Variants in SLC6A11 observed in about 807,000 individuals in gnomAD.
SLC6A11 encodes solute carrier family 6 member 11, also known as sodium- and chloride-dependent GABA transporter 3.
Under a neutral mutation model 74.8 loss-of-function variants are expected in SLC6A11, and 25 were observed. The ratio of observed to expected loss-of-function variants is 0.33; its 90% CI spans 0.24 to 0.47. The LOEUF is 0.47. Ranked by LOEUF, SLC6A11 falls within the 20% of genes least tolerant of loss-of-function variation. The pLI is 1.00. For missense variants in SLC6A11, 574 were observed against 837.0 expected, an observed-to-expected ratio of 0.69 and a Z score of 3.88; for synonymous variants, 330 against 330.2, an observed-to-expected ratio of 1.00 and a Z score of 0.01.
chr3:10,869,742 G>A (rs1198286632), intron 5 of SLC6A11, among the ~76,000 whole-genome samples: 2 of 152,216 alleles, frequency 1.3e-5, no homozygotes, highest in Non-Finnish European at 2.9e-5. Context: ...GGCTGAGGAG[G>A]TTAGACTCAG....
intron 4 of SLC6A11, 73 bp downstream of exon 4, chr3:10,823,465 C>A: frequency 9.8e-7 from 1 of 1,019,712 alleles, no homozygotes; most frequent in Non-Finnish European, 1.5e-6. Context: ...GGTCTTGCCC[C>A]TATTCCTGGA....
chr3:10,905,240 A>G (rs1311790371), intron 6 of SLC6A11, among the ~76,000 whole-genome samples: 3 of 152,230 alleles, frequency 2.0e-5, no homozygotes, highest in African/African-American at 7.2e-5. Context: ...AAATGGGAAG[A>G]TGACATTCCC....
Position 10,921,756 on chromosome 3 carries a change from G to A in SLC6A11, c.1120+3303G>A, listed in dbSNP as rs1695540281. On this transcript the variant is annotated intron_variant, in intron 8 of 13. Transcript: ENST00000254488. Reference sequence around the variant, plus strand: ...ATGTCTAAAAGAGACACACTTTGAAGACACAGATAAAGTATAAAAGAATGG... The same window carrying A: ...ATGTCTAAAAGAGACACACTTTGAAAACACAGATAAAGTATAAAAGAATGG... Among the ~76,000 whole-genome samples the A allele has an allele frequency of 3.9e-5, 6 of 152,036 alleles. No individual in the cohort carries two copies. In the South Asian group the frequency reaches 1.2e-3, roughly 32 times the overall value.
At position 10,916,215 on chromosome 3, in the gene SLC6A11, C is replaced by T. The variant is rs1695452374; in HGVS notation, c.996-2114C>T. Among the ~76,000 whole-genome samples the T allele has an allele frequency of 2.0e-5, 3 of 152,336 alleles. No individual in the cohort carries two copies. In the South Asian group the frequency reaches 6.2e-4, roughly 32 times the overall value. ...TAACTCTGCCCTTGCCTGGGCATAG[C>T]TGAATTTCTTTTTGAGCAGAGGTAA... On this transcript the variant is annotated intron_variant, in intron 7 of 13. Transcript: ENST00000254488.
intron 5 of SLC6A11, among the ~76,000 whole-genome samples, chr3:10,849,857 C>G (rs918687529): frequency 2.9e-5 from 4 of 138,226 alleles, no homozygotes; most frequent in African/African-American, 1.1e-4. Flanking sequence ...GTGTGTCCTT[C>G]TCTTGTGGTT....
chr3:10,894,217 A>G (rs1380855354), intron 6 of SLC6A11, among the ~76,000 whole-genome samples: 1 of 152,210 alleles, frequency 6.6e-6, no homozygotes, highest in East Asian at 1.9e-4. Context: ...TCCGTTAGTC[A>G]GATTCCCAGG....
At chr3:10,879,776 T>G (rs1436494818) in intron 6 of SLC6A11, among the ~76,000 whole-genome samples, 1 of 152,170 alleles carries the variant, frequency 6.6e-6, no homozygotes, top group East Asian at 1.9e-4. Flanking sequence ...TATACATACA[T>G]ACATATATAT....
intron 1 of SLC6A11, among the ~76,000 whole-genome samples, chr3:10,818,870 C>A (rs1694099230): frequency 6.6e-6 from 1 of 152,182 alleles, no homozygotes; most frequent in Non-Finnish European, 1.5e-5. Context: ...TCAAAGCCAG[C>A]CTTTGCTAGA....
chr3:10,905,167 T>TGGGATAATGCTTTGGCA (rs1329694092), intron 6 of SLC6A11, among the ~76,000 whole-genome samples: 4 of 152,252 alleles, frequency 2.6e-5, no homozygotes, highest in Admixed American at 1.3e-4. Flanking sequence ...GAAATAGACT[T>TGGGATAATGCTTTGGCA]GGGATAATGC....
chr3:10,875,133 A>G, intron 6 of SLC6A11, 38 bp downstream of exon 6: 1 of 1,534,256 alleles, frequency 6.5e-7, no homozygotes, highest in South Asian at 1.3e-5. Context: ...ATCACCCACC[A>G]CCACTGGGAA....
At chr3:10,913,895 G>A (rs955480524) in intron 7 of SLC6A11, among the ~76,000 whole-genome samples, 8 of 152,102 alleles carry the variant, frequency 5.3e-5, no homozygotes, top group Non-Finnish European at 8.8e-5. Flanking sequence ...GGGTTTCACC[G>A]TGTTAGCCAG....
chr3:10,828,237 G>A (rs1161294056), intron 4 of SLC6A11, among the ~76,000 whole-genome samples: 1 of 152,162 alleles, frequency 6.6e-6, no homozygotes, highest in African/African-American at 2.4e-5. Context: ...TTCTTGCTGT[G>A]TATACAATCA....
rs113671894 is a variant in SLC6A11, at chr3:10,899,594, C to A, written c.892-12496C>A. On this transcript the variant is annotated intron_variant, in intron 6 of 13. Coordinates refer to ENST00000254488, the MANE Select transcript of SLC6A11 (RefSeq NM_014229.3). ...CTTGCTTAGAAGCATTTCTGCTGGG[C>A]AGCTTCTGAAAGATTTCTCCTTTCC... Among the ~76,000 whole-genome samples the A allele has an allele frequency of 4.9e-3, 747 of 152,362 alleles. 9 individuals carry two copies. Among genetic ancestry groups the A allele is most frequent in the African/African-American group, 0.017 (709 of 41,586 alleles).
intron 5 of SLC6A11, 127 bp downstream of exon 5, chr3:10,844,473 T>A: frequency 9.0e-7 from 1 of 1,113,100 alleles, no homozygotes; most frequent in Non-Finnish European, 1.3e-6. Flanking sequence ...GGAGGAACAC[T>A]GGACCAGAGT....
At position 10,926,424 on chromosome 3, in the gene SLC6A11, A is replaced by G. The variant is rs1343228180; in HGVS notation, c.1233+308A>G. Among the ~76,000 whole-genome samples, 1 of 152,222 alleles carries G rather than the reference A, an allele frequency of 6.6e-6. No homozygotes were observed. Among genetic ancestry groups the G allele is most frequent in the Non-Finnish European group, 1.5e-5 (1 of 68,034 alleles). On this transcript the variant is annotated intron_variant, in intron 9 of 13. Coordinates refer to ENST00000254488, the MANE Select transcript of SLC6A11 (RefSeq NM_014229.3). This position sits in a 1 kb window ranked among gnomAD's most constrained non-coding sequence, Gnocchi z 5.7. ...TCACATTTAGAAAAATTTGCTAAAT[A>G]CTTCCCTTCTGCTCAACCACTCCTG...
intron 5 of SLC6A11, among the ~76,000 whole-genome samples, chr3:10,866,117 T>A (rs1694760243): frequency 6.6e-6 from 1 of 152,192 alleles, no homozygotes; most frequent in Non-Finnish European, 1.5e-5. Context: ...ACTCCTTCTG[T>A]TCTGTTGCTT....
Position 10,863,358 on chromosome 3 carries a change from G to C in SLC6A11, c.757-11603G>C, listed in dbSNP as rs75209668. ...ATCCTTACATCTACCAAGAGAGGTGGGAACTATGGTCTATGATTCACAGAT... is the reference window on the plus strand; with the variant it reads ...ATCCTTACATCTACCAAGAGAGGTGCGAACTATGGTCTATGATTCACAGAT... On this transcript the variant is annotated intron_variant, in intron 5 of 13. Coordinates refer to ENST00000254488, the MANE Select transcript of SLC6A11 (RefSeq NM_014229.3). Among the ~76,000 whole-genome samples the C allele has an allele frequency of 3.6e-3, 545 of 152,330 alleles. 5 individuals are homozygous for C. The highest frequency in any genetic ancestry group is 0.013 in the African/African-American group (531 of 41,576).
Position 10,938,428 on chromosome 3 carries a change from T to C in SLC6A11, c.*26T>C, listed in dbSNP as rs1287297961. 1.9e-6 allele frequency: 3 copies of C among 1,563,410 alleles called. No homozygotes were observed. Among genetic ancestry groups the C allele is most frequent in the Non-Finnish European group, 2.6e-6 (3 of 1,146,938 alleles). ...GCGGCCACCAGCCATCTGGGGCTCT[T>C]CTTCCTTTCTTCCCCCCGTGTATGT... On this transcript the variant is annotated 3_prime_UTR_variant, in exon 14 of 14. Transcript: ENST00000254488.
chr3:10,921,622 A>C (rs1695538244), intron 8 of SLC6A11, among the ~76,000 whole-genome samples: 1 of 152,234 alleles, frequency 6.6e-6, no homozygotes, highest in Non-Finnish European at 1.5e-5. Context: ...AAAATAGTAG[A>C]CTTAAATCCA....
Sources: gnomAD v4.1 joint callset for allele counts (sites outside exome capture counted in the v4.1 genomes callset) on GRCh38, gnomAD v4.1.1 for gene constraint, Gnocchi (gnomAD v3.1) non-coding constraint, MANE v1.5 for transcripts, NCBI Gene and HGNC (gene_info 2026-07-23, HGNC 2026-07-21) for gene names.